The following CACNA1B variants were observed in gnomAD, a reference collection of about 807,000 sequenced individuals.
CACNA1B encodes the protein calcium voltage-gated channel subunit alpha1 B.
In CACNA1B, 70 loss-of-function variants were observed where a neutral mutation model predicts 247.2. The observed-to-expected ratio is 0.28, with a 90% CI of 0.23 to 0.35. The LOEUF is 0.35. Among genes scored for constraint, CACNA1B ranks in the 10% least tolerant of loss-of-function variants. The pLI is 1.00. For synonymous variants in CACNA1B, 1,231 were observed against 1,294.4 expected (o/e 0.95, Z 1.05); for missense variants, 2,367 against 3,197.4 (o/e 0.74, Z 6.26).
In CACNA1B at chr9:137,880,819, C is replaced by T. The variant is rs866615569; in HGVS notation, c.390+1660C>T. 6.6e-6 allele frequency among the ~76,000 whole-genome samples: 1 copy of T among 152,156 alleles called. No individual in the cohort carries two copies. The highest frequency in any genetic ancestry group is 2.4e-5 in the African/African-American group (1 of 41,440). On this transcript the variant is annotated intron_variant, in intron 2 of 46. Coordinates refer to ENST00000371372, the MANE Select transcript of CACNA1B (RefSeq NM_000718.4). The surrounding 1 kb of genome is among the most constrained non-coding windows in gnomAD (Gnocchi z 4.8). ...CAGAGCAGGCCGAGGCTGGGTGGTG[C>T]AGGGGCAGCCCCTCAGTTGTCTCCC...
Position 138,023,459 on chromosome 9 carries a change from CGCGGCCGAGGCCCAGGCCCCGAGG to C in CACNA1B, c.2724_2747del (p.Gly909_Arg916del). 17 of 1,209,604 alleles carry C rather than the reference CGCGGCCGAGGCCCAGGCCCCGAGG, an allele frequency of 1.4e-5. No homozygotes were observed. Among genetic ancestry groups the C allele is most frequent in the Non-Finnish European group, 1.7e-5 (17 of 975,338 alleles). 74.9% of individuals were successfully genotyped at this position (1,209,604 alleles called of 1,614,324 possible). A position where few individuals can be genotyped will look rare whatever the true frequency, so the allele number is the denominator to read the frequency against. ...GGGGCCCCCGGAGGCGCGGAGCGAGCGCGGCCGAGGCCCAGGCCCCGAGGGCGGCCGGCGGCACCACCGGCGCGG... is the reference window on the plus strand; with the variant it reads ...GGGGCCCCCGGAGGCGCGGAGCGAGCGCGGCCGGCGGCACCACCGGCGCGG... On this transcript the variant is annotated inframe_deletion, in exon 19 of 47. Transcript: ENST00000371372.
chr9:137,958,556 G>A (rs1192432783), intron 10 of CACNA1B, among the ~76,000 whole-genome samples: 3 of 152,154 alleles, frequency 2.0e-5, no homozygotes, highest in Non-Finnish European at 4.4e-5. Flanking sequence ...TCAGTTGCTC[G>A]TCTGCTGATC....
In CACNA1B at chr9:138,051,752, C is replaced by G. The variant is rs1406533794; in HGVS notation, c.3711-340C>G. 6.6e-6 allele frequency among the ~76,000 whole-genome samples: 1 copy of G among 152,170 alleles called. No individual in the cohort carries two copies. Among genetic ancestry groups the G allele is most frequent in the African/African-American group, 2.4e-5 (1 of 41,452 alleles). ...GAAACGTGCTTGTGGGCTCCCACTT[C>G]TGGGTCTGCAGTCCTCGTGCGGGTC... On this transcript the variant is annotated intron_variant, in intron 24 of 46. Transcript: ENST00000371372. The surrounding 1 kb of genome is among the most constrained non-coding windows in gnomAD (Gnocchi z 4.3).
chr9:137,944,162 C>T (rs1347598446), intron 6 of CACNA1B, among the ~76,000 whole-genome samples: 1 of 152,130 alleles, frequency 6.6e-6, no homozygotes, highest in Non-Finnish European at 1.5e-5. Context: ...TCCCCTTTTC[C>T]TTCCTTCATG....
chr9:137,959,078 A>G (rs1004456039), intron 10 of CACNA1B, among the ~76,000 whole-genome samples: 1 of 152,030 alleles, frequency 6.6e-6, no homozygotes, highest in African/African-American at 2.4e-5. Context: ...TTATTTAATT[A>G]ATTTTTTTTT....
intron 15 of CACNA1B, among the ~76,000 whole-genome samples, chr9:137,987,862 G>A (rs539916422): frequency 1.3e-5 from 2 of 152,294 alleles, no homozygotes; most frequent in South Asian, 4.1e-4. Context: ...CCTATGACCC[G>A]TCAGCTCCTA....
intron 39 of CACNA1B, among the ~76,000 whole-genome samples, chr9:138,106,295 T>C (rs1961422684): frequency 6.6e-6 from 1 of 152,088 alleles, no homozygotes; most frequent in African/African-American, 2.4e-5. Flanking sequence ...ACAGAGGAGA[T>C]TACAGCCCCA....
rs1255036792 is a variant in CACNA1B at position 138,020,687 on chromosome 9, A to C, written c.2268-2324A>C. 6.6e-6 allele frequency among the ~76,000 whole-genome samples: 1 copy of C among 152,074 alleles called. No individual in the cohort carries two copies. Among genetic ancestry groups the C allele is most frequent in the Non-Finnish European group, 1.5e-5 (1 of 67,990 alleles). Reference sequence around the variant, plus strand: ...GCTGCGGGGGGCGGGCAGGTGCCCTAGCGTAGGCTGCTCAGCATGTTGCTC... The same window carrying C: ...GCTGCGGGGGGCGGGCAGGTGCCCTCGCGTAGGCTGCTCAGCATGTTGCTC... On this transcript the variant is annotated intron_variant, in intron 18 of 46. Transcript: ENST00000371372. This position sits in a 1 kb window ranked among gnomAD's most constrained non-coding sequence, Gnocchi z 4.1.
At chr9:138,049,115 C>G in intron 23 of CACNA1B, 94 bp from the exon 24 acceptor site, 1 of 843,848 alleles carries the variant, frequency 1.2e-6, no homozygotes, top group Non-Finnish European at 2.1e-6. Flanking sequence ...TCAGCCTCCC[C>G]AAGTGCTGAG....
In CACNA1B at chr9:138,000,060, C is replaced by G. The variant is rs550443115; in HGVS notation, c.1975-6707C>G. 2.0e-5 allele frequency among the ~76,000 whole-genome samples: 3 copies of G among 150,524 alleles called. No individual in the cohort carries two copies. In the East Asian group the frequency reaches 5.9e-4, roughly 29 times the overall value. ...TTTTAATTCCAAAAGAATACTTTGG[C>G]AACTTTATGCCATGAGATTGGAAAG... On this transcript the variant is annotated intron_variant, in intron 15 of 46. Transcript: ENST00000371372.
In CACNA1B at chr9:138,121,259, C is replaced by T. The variant is rs1316733541; in HGVS notation, c.6490-210C>T. ...GTCCCTTCCCATCACCTGCTCTCCCCAACCCCATTCCTGGGCCTGACCCTG... is the reference window on the plus strand; with the variant it reads ...GTCCCTTCCCATCACCTGCTCTCCCTAACCCCATTCCTGGGCCTGACCCTG... On this transcript the variant is annotated intron_variant, in intron 46 of 46. Transcript: ENST00000371372. The surrounding 1 kb of genome is among the most constrained non-coding windows in gnomAD (Gnocchi z 6.8). Among the ~76,000 whole-genome samples the T allele has an allele frequency of 2.0e-5, 3 of 152,058 alleles. No individual in the cohort carries two copies. Among genetic ancestry groups the T allele is most frequent in the Non-Finnish European group, 2.9e-5 (2 of 67,998 alleles).
chr9:137,942,690 CTAT>C (rs1233926370), intron 6 of CACNA1B, among the ~76,000 whole-genome samples: 2 of 152,140 alleles, frequency 1.3e-5, no homozygotes, highest in African/African-American at 4.8e-5. Context: ...GAGATTGGGA[CTAT>C]TATTCTAAGT....
intron 20 of CACNA1B, among the ~76,000 whole-genome samples, chr9:138,030,183 T>C (rs1564247615): frequency 6.6e-6 from 1 of 152,236 alleles, no homozygotes; most frequent in Non-Finnish European, 1.5e-5. Flanking sequence ...TTTAGTATGA[T>C]ATTAGCTGTA....
At chr9:137,901,005 T>G (rs1343012218) in intron 3 of CACNA1B, among the ~76,000 whole-genome samples, 1 of 147,692 alleles carries the variant, frequency 6.8e-6, no homozygotes, top group African/African-American at 2.5e-5. Context: ...TCCGTGTCTG[T>G]GCTGTGTGTC....
At chr9:137,901,655 G>A (rs1309003057) in intron 3 of CACNA1B, among the ~76,000 whole-genome samples, 2 of 149,758 alleles carry the variant, frequency 1.3e-5, no homozygotes, top group African/African-American at 4.9e-5. Context: ...TATTCCACCA[G>A]TTCTGTGTAC....
chr9:137,948,127 T>G (rs1957819751), intron 6 of CACNA1B, among the ~76,000 whole-genome samples: 1 of 152,042 alleles, frequency 6.6e-6, no homozygotes, highest in Admixed American at 6.6e-5. Flanking sequence ...ATTACAAGCA[T>G]GCACCACCAT....
At position 137,957,148 on chromosome 9, in the gene CACNA1B, G is replaced by C. The variant is rs1018369824; in HGVS notation, c.1243+321G>C. 1.3e-5 allele frequency among the ~76,000 whole-genome samples: 2 copies of C among 152,244 alleles called. No individual in the cohort carries two copies. Among genetic ancestry groups the C allele is most frequent in the Non-Finnish European group, 2.9e-5 (2 of 68,048 alleles). On this transcript the variant is annotated intron_variant, in intron 9 of 46. Coordinates refer to ENST00000371372, the MANE Select transcript of CACNA1B (RefSeq NM_000718.4). This position sits in a 1 kb window ranked among gnomAD's most constrained non-coding sequence, Gnocchi z 4.7. ...CCCACTGCTGTGGTTGCTGGCACTA[G>C]TTACCAGCATAGCTGCAGCAGCAGG...
Position 137,952,494 on chromosome 9 carries a change from G to A in CACNA1B, c.1070+117G>A. On this transcript the variant is annotated intron_variant, in intron 7 of 46. Coordinates refer to ENST00000371372, the MANE Select transcript of CACNA1B (RefSeq NM_000718.4). The surrounding 1 kb of genome is among the most constrained non-coding windows in gnomAD (Gnocchi z 4.8). Reference sequence around the variant, plus strand: ...TGGCCCATGGGTGCCCTCTGTGGTGGTTGCCCCTGGTGTTCTGGGTTCTGG... The same window carrying A: ...TGGCCCATGGGTGCCCTCTGTGGTGATTGCCCCTGGTGTTCTGGGTTCTGG... 1 of 797,112 alleles carries A rather than the reference G, an allele frequency of 1.3e-6. No individual in the cohort carries two copies. Among genetic ancestry groups the A allele is most frequent in the Non-Finnish European group, 2.1e-6 (1 of 471,252 alleles). The allele number at this position is 797,112 out of a possible 1,614,324, so 49.4% of individuals were successfully genotyped here.
intron 40 of CACNA1B, among the ~76,000 whole-genome samples, chr9:138,113,324 G>C (rs974562880): frequency 6.7e-6 from 1 of 149,762 alleles, no homozygotes; most frequent in Non-Finnish European, 1.5e-5. Flanking sequence ...TGTGGGAGAC[G>C]TGAGGGAGCA....
Sources: gnomAD v4.1 joint callset for allele counts (sites outside exome capture counted in the v4.1 genomes callset) on GRCh38, gnomAD v4.1.1 for gene constraint, Gnocchi (gnomAD v3.1) non-coding constraint, MANE v1.5 for transcripts, NCBI Gene and HGNC (gene_info 2026-07-23, HGNC 2026-07-21) for gene names.